The following SCAPER variants were observed in gnomAD, a reference collection of about 807,000 sequenced individuals.
SCAPER encodes S phase cyclin A-associated protein in the endoplasmic reticulum.
Under a neutral mutation model 182.2 loss-of-function variants are expected in SCAPER, and 98 were observed. The ratio of observed to expected loss-of-function variants is 0.54; its 90% CI spans 0.46 to 0.64. SCAPER has a LOEUF of 0.64. Among genes scored for constraint, SCAPER ranks in the 30% least tolerant of loss-of-function variants. The pLI is 0.00. For missense variants in SCAPER, 1,432 were observed against 1,690.0 expected (o/e 0.85, Z 2.68); for synonymous variants, 605 against 564.6 (o/e 1.07, Z -1.01).
intron 5 of SCAPER, among the ~76,000 whole-genome samples, chr15:76,836,067 T>C (rs1033287197): frequency 3.3e-5 from 5 of 152,016 alleles, no homozygotes; most frequent in Non-Finnish European, 7.4e-5. Flanking sequence ...TCCATGCTCA[T>C]GGATAGGAAG....
chr15:76,704,589 C>A (rs945352940), intron 18 of SCAPER, among the ~76,000 whole-genome samples: 11 of 152,094 alleles, frequency 7.2e-5, no homozygotes, highest in Non-Finnish European at 1.5e-4. Context: ...AAATCCTTTC[C>A]CCATTGCTTG....
intron 14 of SCAPER, among the ~76,000 whole-genome samples, chr15:76,760,743 T>C (rs909611548): frequency 1.3e-5 from 2 of 152,164 alleles, no homozygotes; most frequent in African/African-American, 2.4e-5. Context: ...ACAAAGATCA[T>C]AGAAGTTATC....
At chr15:76,568,648 G>A (rs2047217011) in intron 23 of SCAPER, among the ~76,000 whole-genome samples, 1 of 151,990 alleles carries the variant, frequency 6.6e-6, no homozygotes, top group East Asian at 1.9e-4. Flanking sequence ...TTTTTCAACA[G>A]GGTTTTGCAT....
At chr15:76,852,552 C>T (rs987700227) in intron 4 of SCAPER, among the ~76,000 whole-genome samples, 2 of 152,082 alleles carry the variant, frequency 1.3e-5, no homozygotes, top group African/African-American at 4.8e-5. Flanking sequence ...CAAAACCATG[C>T]AACACATGAA....
At chr15:76,831,661 C>T (rs1043869656) in intron 5 of SCAPER, among the ~76,000 whole-genome samples, 6 of 152,060 alleles carry the variant, frequency 3.9e-5, no homozygotes, top group African/African-American at 9.7e-5. Flanking sequence ...ACAATGCCCC[C>T]GCACCACCAC....
In SCAPER at chr15:76,735,666, C is replaced by T. The variant is rs145877220; in HGVS notation, c.1867-2282G>A. Among the ~76,000 whole-genome samples, 462 of 139,232 alleles carry T rather than the reference C, an allele frequency of 3.3e-3. 5 individuals carry two copies. The highest frequency in any genetic ancestry group is 0.012 in the African/African-American group (441 of 37,970). 91.3% of individuals were successfully genotyped at this position (139,232 alleles called of 152,430 possible). Reference sequence around the variant, plus strand: ...GCAGTGAGCCAAGATTGTGCCACTGCACTCCAGCCTAGGCAACAGAGACTC... The same window carrying T: ...GCAGTGAGCCAAGATTGTGCCACTGTACTCCAGCCTAGGCAACAGAGACTC... On this transcript the variant is annotated intron_variant, in intron 15 of 31. Transcript: ENST00000563290.
At chr15:76,473,476 T>C (rs572927731) in intron 24 of SCAPER, among the ~76,000 whole-genome samples, 2 of 152,336 alleles carry the variant, frequency 1.3e-5, no homozygotes, top group South Asian at 4.1e-4. Context: ...AAAACCTGCA[T>C]TGCCTGAGTG....
intron 20 of SCAPER, among the ~76,000 whole-genome samples, chr15:76,666,070 A>T (rs1160462777): frequency 2.0e-5 from 3 of 152,176 alleles, no homozygotes; most frequent in Non-Finnish European, 4.4e-5. Context: ...AGGAAAGGTA[A>T]AATATATTCA....
At chr15:76,705,613 C>G (rs1020189707) in intron 18 of SCAPER, among the ~76,000 whole-genome samples, 1 of 149,048 alleles carries the variant, frequency 6.7e-6, no homozygotes, top group Admixed American at 6.7e-5. Flanking sequence ...TGTAAATACA[C>G]TTAACATGAC....
At chr15:76,545,904 A>G (rs1342381164) in intron 23 of SCAPER, among the ~76,000 whole-genome samples, 12 of 152,296 alleles carry the variant, frequency 7.9e-5, no homozygotes, top group Non-Finnish European at 2.9e-5. Context: ...ATGAAACTCC[A>G]TAAGGCAAAA....
chr15:76,689,466 AAATCT>A (rs928706143), intron 20 of SCAPER, among the ~76,000 whole-genome samples: 3 of 152,110 alleles, frequency 2.0e-5, no homozygotes, highest in Admixed American at 1.3e-4. Flanking sequence ...ATAAATTAGA[AAATCT>A]AATCTAAGAC....
At chr15:76,619,602 A>G (rs182266548) in intron 22 of SCAPER, among the ~76,000 whole-genome samples, 1 of 151,716 alleles carries the variant, frequency 6.6e-6, no homozygotes, top group East Asian at 1.9e-4. Context: ...TTTTATTATT[A>G]TTATACTTTA....
chr15:76,873,732 A>G (rs1205041957), intron 2 of SCAPER, among the ~76,000 whole-genome samples: 1 of 152,218 alleles, frequency 6.6e-6, no homozygotes, highest in Non-Finnish European at 1.5e-5. Flanking sequence ...CCAGCAGTCA[A>G]CAATGGCAAA....
intron 8 of SCAPER, among the ~76,000 whole-genome samples, chr15:76,778,201 T>C (rs566268263): frequency 3.9e-5 from 6 of 152,244 alleles, no homozygotes; most frequent in African/African-American, 1.2e-4. Context: ...TAATGCAAAA[T>C]TGTATCACCA....
At chr15:76,514,848 T>C (rs1363416208) in intron 23 of SCAPER, among the ~76,000 whole-genome samples, 2 of 152,198 alleles carry the variant, frequency 1.3e-5, no homozygotes, top group Non-Finnish European at 2.9e-5. Context: ...TCTACTATCC[T>C]TGTCTGTTAA....
intron 14 of SCAPER, among the ~76,000 whole-genome samples, chr15:76,756,504 G>A (rs1273994253): frequency 6.6e-6 from 1 of 152,134 alleles, no homozygotes; most frequent in Non-Finnish European, 1.5e-5. Context: ...CTTGAGCCCA[G>A]AAGTTCTAGG....
intron 2 of SCAPER, among the ~76,000 whole-genome samples, chr15:76,869,367 G>C (rs2072533983): frequency 6.6e-6 from 1 of 152,032 alleles, no homozygotes; most frequent in Non-Finnish European, 1.5e-5. Context: ...TACCCATCTA[G>C]TAAGAGATTA....
intron 15 of SCAPER, among the ~76,000 whole-genome samples, chr15:76,750,828 A>T (rs1408675762): frequency 6.6e-6 from 1 of 151,974 alleles, no homozygotes; most frequent in Non-Finnish European, 1.5e-5. Flanking sequence ...TGATATCAGG[A>T]TCAAGATAAA....
chr15:76,552,679 C>G (rs1194516437), intron 23 of SCAPER, among the ~76,000 whole-genome samples: 1 of 152,154 alleles, frequency 6.6e-6, no homozygotes, highest in Non-Finnish European at 1.5e-5. Context: ...CCAGCCCATA[C>G]GCAGTCTAGG....
Sources: allele counts gnomAD v4.1 joint callset (sites outside exome capture counted in the v4.1 genomes callset), GRCh38; gene constraint gnomAD v4.1.1; transcripts MANE v1.5; gene names NCBI Gene and HGNC (gene_info 2026-07-23, HGNC 2026-07-21).